Variants in PTPRD observed in about 807,000 individuals in gnomAD.
The protein encoded by PTPRD is receptor-type tyrosine-protein phosphatase delta.
PTPRD carries 34 observed loss-of-function variants against 214.5 expected under a neutral mutation model. That is an observed-to-expected ratio of 0.16 (90% CI 0.12 to 0.21). The LOEUF (loss-of-function observed/expected upper bound fraction) is 0.21, where lower values mean the gene tolerates loss of function less well. Ranked by LOEUF, PTPRD falls within the 10% of genes least tolerant of loss-of-function variation. The probability of loss-of-function intolerance (pLI) is 1.00; values close to 1 mark genes in which losing one functional copy is unlikely to be tolerated. For missense variants in PTPRD, 2,545 were observed against 2,398.7 expected (o/e 1.06, Z -1.27); for synonymous variants, 1,128 against 845.7 (o/e 1.33, Z -5.79).
chr9:9,576,044 T>A (rs1004540235), intron 7 of PTPRD, among the ~76,000 whole-genome samples: 4 of 152,154 alleles, frequency 2.6e-5, no homozygotes, highest in Non-Finnish European at 5.9e-5. Context: ...CTCTAGCTAA[T>A]TGCTATATAA....
intron 3 of PTPRD, among the ~76,000 whole-genome samples, chr9:10,126,682 G>C (rs2098822442): frequency 6.6e-6 from 1 of 152,002 alleles, no homozygotes; most frequent in African/African-American, 2.4e-5. Context: ...AACATGTTCA[G>C]GAAAAAGTTA....
chr9:10,480,973 C>T (rs918525977), intron 2 of PTPRD, among the ~76,000 whole-genome samples: 1 of 151,770 alleles, frequency 6.6e-6, no homozygotes, highest in African/African-American at 2.4e-5. Flanking sequence ...TCATTTACTC[C>T]AGTGACTCAA....
intron 4 of PTPRD, among the ~76,000 whole-genome samples, chr9:9,958,516 AG>A (rs1221179720): frequency 6.6e-6 from 1 of 152,134 alleles, no homozygotes; most frequent in Non-Finnish European, 1.5e-5. Flanking sequence ...GGGTGACAAG[AG>A]CAAAACTCCA....
chr9:8,911,711 G>A (rs1361436938), intron 11 of PTPRD, among the ~76,000 whole-genome samples: 1 of 151,888 alleles, frequency 6.6e-6, no homozygotes, highest in Admixed American at 6.6e-5. Context: ...TGTTTAAAGG[G>A]TGGCATTAAG....
At chr9:8,772,586 T>C (rs757878580) in intron 11 of PTPRD, among the ~76,000 whole-genome samples, 1 of 151,982 alleles carries the variant, frequency 6.6e-6, no homozygotes, top group Non-Finnish European at 1.5e-5. Context: ...GAGGATGTAG[T>C]TAGCTATGAC....
chr9:9,988,156 C>A (rs1412795881), intron 4 of PTPRD, among the ~76,000 whole-genome samples: 1 of 152,090 alleles, frequency 6.6e-6, no homozygotes, highest in Non-Finnish European at 1.5e-5. Flanking sequence ...ATTATGCAAA[C>A]ATAATGATTA....
chr9:8,490,466 G>C (rs911120713), intron 27 of PTPRD, among the ~76,000 whole-genome samples: 30 of 151,912 alleles, frequency 2.0e-4, no homozygotes, highest in African/African-American at 7.0e-4. Context: ...ACTAGACTTG[G>C]GCTAATATTT....
intron 11 of PTPRD, among the ~76,000 whole-genome samples, chr9:9,013,822 T>A (rs1273346795): frequency 1.3e-5 from 2 of 152,108 alleles, no homozygotes; most frequent in African/African-American, 4.8e-5. Context: ...ATCCTTGGAG[T>A]CCCACTAATT....
intron 3 of PTPRD, among the ~76,000 whole-genome samples, chr9:10,267,638 T>G (rs1211387795): frequency 6.6e-6 from 1 of 152,208 alleles, no homozygotes; most frequent in African/African-American, 2.4e-5. Context: ...CAATGTTTCT[T>G]AAAACATTTT....
intron 5 of PTPRD, among the ~76,000 whole-genome samples, chr9:9,861,495 A>T (rs957134553): frequency 3.3e-5 from 5 of 152,038 alleles, no homozygotes; most frequent in African/African-American, 1.2e-4. Context: ...TTTCACCATG[A>T]TGGCCAGGAT....
intron 12 of PTPRD, among the ~76,000 whole-genome samples, chr9:8,663,079 C>CT (rs1235480326): frequency 6.6e-6 from 1 of 152,064 alleles, no homozygotes; most frequent in Non-Finnish European, 1.5e-5. Flanking sequence ...AAGTCAAATA[C>CT]TTTTTATTTT....
chr9:9,621,073 A>G (rs2095215612), intron 7 of PTPRD, among the ~76,000 whole-genome samples: 1 of 152,154 alleles, frequency 6.6e-6, no homozygotes, highest in African/African-American at 2.4e-5. Context: ...TAAACCCCTC[A>G]CTAAACCAGT....
At chr9:9,608,869 T>C (rs1038018210) in intron 7 of PTPRD, among the ~76,000 whole-genome samples, 1 of 152,202 alleles carries the variant, frequency 6.6e-6, no homozygotes, top group Non-Finnish European at 1.5e-5. Flanking sequence ...TCCTGACTCA[T>C]TGCCTTTCAT....
chr9:8,547,574 T>G (rs1443096119), intron 14 of PTPRD, among the ~76,000 whole-genome samples: 1 of 150,844 alleles, frequency 6.6e-6, no homozygotes, highest in Non-Finnish European at 1.5e-5. Context: ...GCCCAGGAGG[T>G]TGAGGCTACA....
chr9:10,486,030 T>TTA lies in PTPRD; in HGVS notation c.-600+126367_-600+126368insTA, dbSNP rs1491093033. Among the ~76,000 whole-genome samples the TTA allele has an allele frequency of 1.3e-4, 7 of 55,804 alleles. No homozygotes were observed. The Admixed American group carries it at 1.5e-3, about 12-fold the overall frequency. 36.6% of individuals were successfully genotyped at this position (55,804 alleles called of 152,430 possible). ...CACATCTTTTTCCCACTTTTTGATG[T>TTA]TTTTTTTTTTCTTGTAAATTTGTTT... On this transcript the variant is annotated intron_variant, in intron 2 of 45. Transcript: ENST00000381196.
chr9:10,395,485 T>C (rs949105330), intron 2 of PTPRD, among the ~76,000 whole-genome samples: 3 of 152,030 alleles, frequency 2.0e-5, no homozygotes, highest in Non-Finnish European at 4.4e-5. Context: ...AATACTATCA[T>C]TACTGAAAAA....
At chr9:9,591,506 G>A (rs568594764) in intron 7 of PTPRD, among the ~76,000 whole-genome samples, 7 of 152,058 alleles carry the variant, frequency 4.6e-5, no homozygotes, top group African/African-American at 1.4e-4. Context: ...CACTGCATCT[G>A]GAATCCTAAC....
At chr9:8,585,968 T>G (rs995947796) in intron 14 of PTPRD, among the ~76,000 whole-genome samples, 1 of 150,944 alleles carries the variant, frequency 6.6e-6, no homozygotes, top group African/African-American at 2.5e-5. Context: ...ATTAAACTCA[T>G]AAACAATTTG....
At chr9:9,465,144 G>C (rs2094028382) in intron 8 of PTPRD, among the ~76,000 whole-genome samples, 1 of 152,074 alleles carries the variant, frequency 6.6e-6, no homozygotes, top group Non-Finnish European at 1.5e-5. Flanking sequence ...GTATAGTTTT[G>C]ATCTTAAAAT....
Sources: allele counts gnomAD v4.1 joint callset (sites outside exome capture counted in the v4.1 genomes callset), GRCh38; gene constraint gnomAD v4.1.1; transcripts MANE v1.5; gene names NCBI Gene and HGNC (gene_info 2026-07-23, HGNC 2026-07-21).